The following MED12L variants were observed in gnomAD, a reference collection of about 807,000 sequenced individuals.
MED12L encodes mediator of RNA polymerase II transcription subunit 12-like protein.
Under a neutral mutation model 281.3 loss-of-function variants are expected in MED12L, and 60 were observed. The observed-to-expected ratio is 0.21, with a 90% CI of 0.17 to 0.26. The LOEUF is 0.26. Among genes scored for constraint, MED12L ranks in the 10% least tolerant of loss-of-function variants. MED12L has a pLI of 1.00. For missense variants in MED12L, 2,146 were observed against 2,680.9 expected, an observed-to-expected ratio of 0.80 and a Z score of 4.41; for synonymous variants, 974 against 987.2, an observed-to-expected ratio of 0.99 and a Z score of 0.25.
intron 31 of MED12L, 107 bp downstream of exon 31, chr3:151,378,280 A>C (rs1711578450): frequency 8.5e-7 from 1 of 1,177,086 alleles, no homozygotes; most frequent in African/African-American, 1.6e-5. Flanking sequence ...ACTGAAATTT[A>C]GTTTTTAAAT....
chr3:151,405,105 C>G (rs1430611645), intron 39 of MED12L, among the ~76,000 whole-genome samples: 4 of 152,340 alleles, frequency 2.6e-5, no homozygotes, highest in Non-Finnish European at 4.4e-5. Flanking sequence ...AGAGAGAACT[C>G]TTCTTATAAA....
intron 13 of MED12L, among the ~76,000 whole-genome samples, chr3:151,189,502 C>T (rs144919550): frequency 1.2e-3 from 184 of 152,224 alleles, no homozygotes; most frequent in Non-Finnish European, 1.8e-3. Context: ...CCTTTGCTTC[C>T]CTCGTTTCTT....
chr3:151,303,217 A>G (rs904216481), intron 16 of MED12L, among the ~76,000 whole-genome samples: 3 of 152,212 alleles, frequency 2.0e-5, no homozygotes, highest in Admixed American at 1.3e-4. Flanking sequence ...GTATTTGACT[A>G]TAGATTTTAG....
chr3:151,360,562 G>A lies in MED12L; in HGVS notation c.2914G>A (p.Val972Met). 1 of 1,612,844 alleles carries A rather than the reference G, an allele frequency of 6.2e-7. No individual in the cohort carries two copies. The highest frequency in any genetic ancestry group is 8.5e-7 in the Non-Finnish European group (1 of 1,179,132). ...CILAYLYDLY[V>M]SCSHLRSKFG... ...TTTAGCCTACCTCTATGATCTCTAT[G>A]TGTCATGTAGCCACCTCAGAAGTAA... Residue 972 changes from valine to methionine, a missense_variant, in exon 21 of 45, where the codon GTG becomes ATG. Physicochemically the swap from Val to Met is conservative, Grantham distance 21. This residue lies in a region of MED12L where 404 missense variants were observed against 603.5 expected (regional missense o/e 0.67). Coordinates refer to ENST00000687756, the MANE Select transcript of MED12L (RefSeq NM_001393769.1).
intron 16 of MED12L, among the ~76,000 whole-genome samples, chr3:151,321,441 A>T (rs1020548103): frequency 6.6e-6 from 1 of 152,142 alleles, no homozygotes; most frequent in Non-Finnish European, 1.5e-5. Flanking sequence ...TAAATAGAAT[A>T]AAAAAAGACT....
intron 2 of MED12L, among the ~76,000 whole-genome samples, chr3:151,114,554 T>C (rs1712428996): frequency 6.6e-6 from 1 of 152,106 alleles, no homozygotes; most frequent in African/African-American, 2.4e-5. Flanking sequence ...AGCAGTTACA[T>C]AGAGGAATAA....
chr3:151,294,383 G>A (rs767915012), intron 16 of MED12L: 2 of 1,613,884 alleles, frequency 1.2e-6, no homozygotes, highest in East Asian at 2.2e-5. Context: ...GATTTTTTGT[G>A]CAGATTCATC....
At position 151,166,732 on chromosome 3, in the gene MED12L, G is replaced by A. The variant is rs60345501; in HGVS notation, c.1494+750G>A. ...ACACTGTCACCTGGGCTGGAGTGCA[G>A]TGGTGCAATCTCGGCTCACTGCAAC... On this transcript the variant is annotated intron_variant, in intron 11 of 44. Transcript: ENST00000687756. Among the ~76,000 whole-genome samples the A allele has an allele frequency of 9.8e-3, 1,485 of 151,838 alleles. 29 individuals are homozygous for A. Among genetic ancestry groups the A allele is most frequent in the African/African-American group, 0.034 (1,411 of 41,362 alleles).
At chr3:151,138,553 C>T (rs1195028611) in intron 5 of MED12L, among the ~76,000 whole-genome samples, 1 of 152,140 alleles carries the variant, frequency 6.6e-6, no homozygotes, top group Non-Finnish European at 1.5e-5. Flanking sequence ...ACATTTAGTT[C>T]TCATATCTCC....
Position 151,165,404 on chromosome 3 carries a change from A to G in MED12L, c.1258-16A>G. ...GCATTCCAAGCACAAGTTAATTAGA[A>G]GCGATTATCTTTCAGGTTCGGGCAA... On this transcript the variant is annotated splice_polypyrimidine_tract_variant and intron_variant, in intron 9 of 44. Coordinates refer to ENST00000687756, the MANE Select transcript of MED12L (RefSeq NM_001393769.1). 1 of 1,604,786 alleles carries G rather than the reference A, an allele frequency of 6.2e-7. No individual in the cohort carries two copies. Among genetic ancestry groups the G allele is most frequent in the Non-Finnish European group, 8.5e-7 (1 of 1,171,656 alleles).
At chr3:151,214,469 T>C (rs973667427) in intron 16 of MED12L, 1 of 603,574 alleles carries the variant, frequency 1.7e-6, no homozygotes, top group Non-Finnish European at 2.9e-6. Flanking sequence ...TTTTACTCTG[T>C]GTAAGTTAGA....
intron 39 of MED12L, among the ~76,000 whole-genome samples, chr3:151,404,328 T>G (rs1716044561): frequency 6.6e-6 from 1 of 152,224 alleles, no homozygotes; most frequent in Admixed American, 6.5e-5. Flanking sequence ...CTGTATGGGA[T>G]GTGTTTGTTT....
intron 16 of MED12L, chr3:151,328,979 A>T (rs1360716223): frequency 6.2e-7 from 1 of 1,608,252 alleles, no homozygotes; most frequent in East Asian, 2.2e-5. Context: ...GCCTTGCATC[A>T]CTGTGGTGTT....
intron 16 of MED12L, among the ~76,000 whole-genome samples, chr3:151,315,700 C>A (rs1479777757): frequency 2.0e-5 from 3 of 151,974 alleles, no homozygotes; most frequent in African/African-American, 4.8e-5. Context: ...TGGCTTTTTT[C>A]CCCCCAGTAT....
chr3:151,368,760 ATT>A (rs201834162), intron 25 of MED12L, among the ~76,000 whole-genome samples: 1 of 80,308 alleles, frequency 1.2e-5, no homozygotes, highest in African/African-American at 4.6e-5. Context: ...ATGTCATTTC[ATT>A]TTTTTTTTTT....
chr3:151,164,265 C>T (rs552015205), intron 9 of MED12L, among the ~76,000 whole-genome samples: 20 of 152,296 alleles, frequency 1.3e-4, no homozygotes, highest in African/African-American at 4.8e-4. Flanking sequence ...ACAGTTCTTG[C>T]TGAGAGTTCT....
At chr3:151,354,140 C>CAA (rs63033360) in intron 17 of MED12L, among the ~76,000 whole-genome samples, 6,778 of 62,714 alleles carry the variant, frequency 0.11, 998 homozygotes, top group Middle Eastern at 0.18. Context: ...GACTCCGTCT[C>CAA]AAAAAAAAAA....
chr3:151,423,150 G>A lies in MED12L; in HGVS notation c.6408+6728G>A, dbSNP rs187963004. On this transcript the variant is annotated intron_variant, in intron 43 of 44. Coordinates refer to ENST00000687756, the MANE Select transcript of MED12L (RefSeq NM_001393769.1). Reference sequence around the variant, plus strand: ...TTCTCCTGCCTCAGCATCCCGAGTAGCTGGGATTACAGGTGCCTGCCACCA... The same window carrying A: ...TTCTCCTGCCTCAGCATCCCGAGTAACTGGGATTACAGGTGCCTGCCACCA... 4.5e-3 allele frequency among the ~76,000 whole-genome samples: 681 copies of A among 151,484 alleles called. 2 individuals are homozygous for A. Among genetic ancestry groups the A allele is most frequent in the Non-Finnish European group, 7.2e-3 (491 of 67,864 alleles).
intron 40 of MED12L, among the ~76,000 whole-genome samples, 154 bp from the exon 41 acceptor site, chr3:151,411,124 G>A (rs892831742): frequency 1.3e-5 from 2 of 152,138 alleles, no homozygotes; most frequent in African/African-American, 4.8e-5. Flanking sequence ...TGCATCCAGG[G>A]TAGTCCTCCT....
Sources: allele counts gnomAD v4.1 joint callset (sites outside exome capture counted in the v4.1 genomes callset), GRCh38; gene constraint gnomAD v4.1.1; regional missense constraint gnomAD v4.1.1; transcripts MANE v1.5; gene names NCBI Gene and HGNC (gene_info 2026-07-23, HGNC 2026-07-21).